The following GRIK1 variants were observed in gnomAD, a reference collection of about 807,000 sequenced individuals.
GRIK1 encodes glutamate receptor ionotropic, kainate 1.
GRIK1 carries 69 observed loss-of-function variants against 105.7 expected under a neutral mutation model. The observed-to-expected ratio is 0.65, with a 90% CI of 0.54 to 0.80. The LOEUF (loss-of-function observed/expected upper bound fraction) is 0.80, where lower values mean the gene tolerates loss of function less well. Ranked by LOEUF, GRIK1 falls within the 30% of genes least tolerant of loss-of-function variation. The pLI is 0.00. For missense variants in GRIK1, 1,109 were observed against 1,167.3 expected (o/e 0.95, Z 0.73); for synonymous variants, 438 against 431.3 (o/e 1.02, Z -0.19).
At chr21:29,686,928 G>A (rs1027237143) in intron 3 of GRIK1, among the ~76,000 whole-genome samples, 7 of 152,182 alleles carry the variant, frequency 4.6e-5, no homozygotes, top group African/African-American at 1.4e-4. Flanking sequence ...AGGTCAATGG[G>A]CAGCAATTTC....
At chr21:29,791,652 G>T (rs2066422280) in intron 1 of GRIK1, among the ~76,000 whole-genome samples, 2 of 152,136 alleles carry the variant, frequency 1.3e-5, no homozygotes, top group Non-Finnish European at 2.9e-5. Context: ...TTATTCTTAA[G>T]GTGGGCAGGC....
At chr21:29,580,370 A>T (rs906391634) in intron 13 of GRIK1, among the ~76,000 whole-genome samples, 1 of 152,026 alleles carries the variant, frequency 6.6e-6, no homozygotes, top group Non-Finnish European at 1.5e-5. Flanking sequence ...AGTAAATCAG[A>T]TGGCATCTAT....
At chr21:29,702,717 C>A (rs919461701) in intron 1 of GRIK1, among the ~76,000 whole-genome samples, 6 of 152,044 alleles carry the variant, frequency 3.9e-5, no homozygotes, top group Admixed American at 3.9e-4. Flanking sequence ...TCTCAAAAAA[C>A]AAACAAGAAA....
intron 1 of GRIK1, among the ~76,000 whole-genome samples, chr21:29,895,860 A>G (rs1047369679): frequency 2.6e-5 from 4 of 152,222 alleles, no homozygotes; most frequent in South Asian, 2.1e-4. Context: ...TTCAGAGGAC[A>G]GTAGATAATG....
intron 6 of GRIK1, among the ~76,000 whole-genome samples, chr21:29,644,235 CATT>C (rs879635566): frequency 1.3e-5 from 2 of 152,084 alleles, no homozygotes; most frequent in African/African-American, 2.4e-5. Flanking sequence ...TACTTTGAAT[CATT>C]ATTATTCTGT....
At chr21:29,727,634 C>G (rs115891103) in intron 1 of GRIK1, among the ~76,000 whole-genome samples, 4 of 152,154 alleles carry the variant, frequency 2.6e-5, no homozygotes, top group Non-Finnish European at 5.9e-5. Flanking sequence ...TTTCTATTCT[C>G]TCTTGTAAGA....
intron 15 of GRIK1, among the ~76,000 whole-genome samples, chr21:29,556,797 A>G (rs983446739): frequency 1.3e-5 from 2 of 152,252 alleles, no homozygotes. Context: ...AAGGATTGAA[A>G]GAAAGCAGAG....
intron 1 of GRIK1, among the ~76,000 whole-genome samples, chr21:29,740,342 C>A (rs980587798): frequency 1.3e-5 from 2 of 152,004 alleles, no homozygotes; most frequent in Non-Finnish European, 2.9e-5. Flanking sequence ...CTCAGCCTCC[C>A]GAGTAGTTGG....
intron 1 of GRIK1, among the ~76,000 whole-genome samples, chr21:29,740,255 G>C (rs897997407): frequency 1.3e-5 from 2 of 148,198 alleles, no homozygotes; most frequent in Non-Finnish European, 3.0e-5. Context: ...GTCTCCCTCT[G>C]TCACCAGGCT....
intron 7 of GRIK1, among the ~76,000 whole-genome samples, chr21:29,617,440 C>A (rs1242362634): frequency 6.6e-6 from 1 of 152,102 alleles, no homozygotes; most frequent in Non-Finnish European, 1.5e-5. Flanking sequence ...TTTTGGAAAC[C>A]GTGTGTAGTG....
chr21:29,866,215 AG>A (rs1042337752), intron 1 of GRIK1, among the ~76,000 whole-genome samples: 8 of 152,084 alleles, frequency 5.3e-5, no homozygotes, highest in Non-Finnish European at 1.0e-4. Flanking sequence ...AGGCAAACAC[AG>A]TAGGTGGTAT....
chr21:29,660,633 G>A (rs1257411927), intron 4 of GRIK1, among the ~76,000 whole-genome samples: 1 of 152,178 alleles, frequency 6.6e-6, no homozygotes, highest in African/African-American at 2.4e-5. Flanking sequence ...GTGCTACTGA[G>A]CAACTTTGAG....
At chr21:29,893,549 A>G (rs1488571989) in intron 1 of GRIK1, among the ~76,000 whole-genome samples, 1 of 152,208 alleles carries the variant, frequency 6.6e-6, no homozygotes, top group Non-Finnish European at 1.5e-5. Flanking sequence ...TAGCATTTAA[A>G]TGAGAAAATA....
intron 1 of GRIK1, among the ~76,000 whole-genome samples, chr21:29,834,356 T>C (rs2067721991): frequency 6.7e-6 from 1 of 149,286 alleles, no homozygotes; most frequent in Non-Finnish European, 1.5e-5. Context: ...TACATATATA[T>C]TATATATGTA....
intron 1 of GRIK1, among the ~76,000 whole-genome samples, chr21:29,825,678 C>CT (rs1290849776): frequency 1.3e-5 from 2 of 152,020 alleles, no homozygotes; most frequent in African/African-American, 4.8e-5. Context: ...AATATGAAAG[C>CT]TGTACAAATG....
At chr21:29,769,092 C>T (rs1424194810) in intron 1 of GRIK1, among the ~76,000 whole-genome samples, 4 of 151,972 alleles carry the variant, frequency 2.6e-5, no homozygotes, top group Non-Finnish European at 5.9e-5. Context: ...GAAACTGTGC[C>T]ATTTGTGAGT....
chr21:29,840,030 T>C (rs1233079457), intron 1 of GRIK1, among the ~76,000 whole-genome samples: 1 of 152,214 alleles, frequency 6.6e-6, no homozygotes, highest in East Asian at 1.9e-4. Context: ...TGCTCAAGTA[T>C]GGACTTCCTT....
chr21:29,923,492 G>T (rs1291933212), intron 1 of GRIK1, among the ~76,000 whole-genome samples: 5 of 152,196 alleles, frequency 3.3e-5, no homozygotes, highest in African/African-American at 1.2e-4. Flanking sequence ...AAATAGAGAA[G>T]TGTGAGTTTG....
intron 14 of GRIK1, among the ~76,000 whole-genome samples, chr21:29,574,275 T>C (rs551825088): frequency 1.8e-4 from 27 of 152,308 alleles, no homozygotes; most frequent in African/African-American, 6.3e-4. Context: ...AAGTCAGGTC[T>C]ATTGCTTTTT....
Sources: gnomAD v4.1 joint callset for allele counts (sites outside exome capture counted in the v4.1 genomes callset) on GRCh38, gnomAD v4.1.1 for gene constraint, MANE v1.5 for transcripts, NCBI Gene and HGNC (gene_info 2026-07-23, HGNC 2026-07-21) for gene names.